The following GCNT2 variants were observed in gnomAD, a reference collection of about 807,000 sequenced individuals.
GCNT2 encodes glucosaminyl (N-acetyl) transferase 2 (I blood group), also known as N-acetyllactosaminide beta-1,6-N-acetylglucosaminyl-transferase.
In GCNT2, 34 loss-of-function variants were observed where a neutral mutation model predicts 34.2. The ratio of observed to expected loss-of-function variants is 1.00; its 90% CI spans 0.76 to 1.32. The LOEUF (loss-of-function observed/expected upper bound fraction) is 1.32. Among genes scored for constraint, GCNT2 ranks in the 40% most tolerant of loss-of-function variants. GCNT2 has a pLI of 0.00. For missense variants in GCNT2, 584 were observed against 489.4 expected (o/e 1.19, Z -1.82); for synonymous variants, 212 against 188.0 (o/e 1.13, Z -1.04).
chr6:10,596,827 A>G (rs1453458891), intron 3 of GCNT2, among the ~76,000 whole-genome samples: 1 of 151,514 alleles, frequency 6.6e-6, no homozygotes, highest in Non-Finnish European at 1.5e-5. Context: ...TGTATTTTCC[A>G]TTACTGCGTA....
intron 3 of GCNT2, among the ~76,000 whole-genome samples, chr6:10,541,503 A>C (rs1334949191): frequency 6.6e-6 from 1 of 152,146 alleles, no homozygotes; most frequent in East Asian, 1.9e-4. Context: ...TGACAGAATG[A>C]TTTATATTCC....
At position 10,626,457 on chromosome 6, in the gene GCNT2, C is replaced by G. The variant is rs1188364475; in HGVS notation, c.1059C>G (p.Asp353Glu). 1.9e-6 allele frequency: 3 copies of G among 1,613,548 alleles called. No individual in the cohort carries two copies. The African/African-American group carries it at 4.0e-5, about 22-fold the overall frequency. Reference protein sequence around the residue: ...VHGICIYGNGDLKWLVNSPSL... With the variant: ...VHGICIYGNGELKWLVNSPSL... ...GTATTTGTATCTATGGAAACGGAGA[C>G]TTAAAGTGGCTGGTTAATTCACCAA... is the stretch of plus-strand genomic sequence containing the variant. The change falls in exon 5 of 5, where the codon GAC (aspartate) becomes GAG (glutamate). Residue 353 changes from aspartate (D) to glutamate (E), a missense_variant. Transcript: ENST00000495262.
chr6:10,523,834 T>G (rs1483490417), intron 1 of GCNT2, among the ~76,000 whole-genome samples: 2 of 151,178 alleles, frequency 1.3e-5, no homozygotes, highest in Non-Finnish European at 3.0e-5. Flanking sequence ...TTAGCCGGGC[T>G]TGGTGGTGGG....
chr6:10,554,232 G>T (rs1023840734), intron 3 of GCNT2, among the ~76,000 whole-genome samples: 3 of 152,186 alleles, frequency 2.0e-5, no homozygotes, highest in Admixed American at 2.0e-4. Context: ...TTTTTTTAAA[G>T]TTCTCCTGTC....
intron 3 of GCNT2, among the ~76,000 whole-genome samples, chr6:10,546,984 G>A (rs917749618): frequency 6.6e-6 from 1 of 151,726 alleles, no homozygotes; most frequent in African/African-American, 2.4e-5. Context: ...ATGATTTTAT[G>A]TCCTACCTTA....
chr6:10,582,431 ATT>A (rs1491330473), intron 3 of GCNT2, among the ~76,000 whole-genome samples: 10 of 125,796 alleles, frequency 7.9e-5, no homozygotes, highest in African/African-American at 3.2e-4. Flanking sequence ...ATATACTATA[ATT>A]TAATATTTAT....
Position 10,626,447 on chromosome 6 carries a change from GA to G in GCNT2, c.1052del (p.Asn351ThrfsTer4), listed in dbSNP as rs1561845102. 1 of 1,613,620 alleles carries G rather than the reference GA, an allele frequency of 6.2e-7. No individual in the cohort carries two copies. Among genetic ancestry groups the G allele is most frequent in the Non-Finnish European group, 8.5e-7 (1 of 1,179,580 alleles). ...TATGTACATGGTATTTGTATCTATG[GA>G]AACGGAGACTTAAAGTGGCTGGTTA... Reference protein sequence around the residue: ...GHYVHGICIYGNGDLKWLVNS... With the variant: ...GHYVHGICIYXNGDLKWLVNS... On this transcript the variant is annotated frameshift_variant, in exon 5 of 5. Coordinates refer to ENST00000495262, the MANE Select transcript of GCNT2 (RefSeq NM_145649.5). LOFTEE classifies it high-confidence loss of function.
chr6:10,610,269 G>A (rs562860516), intron 3 of GCNT2, among the ~76,000 whole-genome samples: 1 of 152,326 alleles, frequency 6.6e-6, no homozygotes, highest in South Asian at 2.1e-4. Flanking sequence ...TAGTGCATTA[G>A]GTTAATCGTG....
At chr6:10,578,357 T>C (rs972002852) in intron 3 of GCNT2, among the ~76,000 whole-genome samples, 1 of 139,514 alleles carries the variant, frequency 7.2e-6, no homozygotes, top group Non-Finnish European at 1.5e-5. Context: ...CTCCAGCCCC[T>C]GGGCAACAGA....
At chr6:10,566,168 C>G (rs1241960743) in intron 3 of GCNT2, among the ~76,000 whole-genome samples, 1 of 151,778 alleles carries the variant, frequency 6.6e-6, no homozygotes, top group African/African-American at 2.4e-5. Flanking sequence ...TATCCTGCAT[C>G]TGATTGATGT....
chr6:10,602,819 G>A (rs1765140851), intron 3 of GCNT2, among the ~76,000 whole-genome samples: 1 of 152,174 alleles, frequency 6.6e-6, no homozygotes, highest in Non-Finnish European at 1.5e-5. Context: ...AGGGCAAGAT[G>A]AAAATTTGTC....
At position 10,521,351 on chromosome 6, in the gene GCNT2, A is replaced by G. The variant is rs1760907231; in HGVS notation, c.-535A>G. ...GCTAGGGTTAAACTGCGTTTACCTT[A>G]AACAGGCTTACTGTGTTCACTGCTG... On this transcript the variant is annotated 5_prime_UTR_variant, in exon 1 of 5. Coordinates refer to ENST00000495262, the MANE Select transcript of GCNT2 (RefSeq NM_145649.5). 1 of 152,602 alleles carries G rather than the reference A, an allele frequency of 6.6e-6. No individual in the cohort carries two copies. The highest frequency in any genetic ancestry group is 2.4e-5 in the African/African-American group (1 of 41,376). 9.5% of individuals were successfully genotyped at this position (152,602 alleles called of 1,614,324 possible).
intron 3 of GCNT2, among the ~76,000 whole-genome samples, chr6:10,583,570 C>T (rs894833215): frequency 2.6e-5 from 4 of 152,228 alleles, no homozygotes; most frequent in Admixed American, 6.5e-5. Flanking sequence ...CAGGTGAACT[C>T]TGAGAACCCT....
rs115092578 is a variant in GCNT2, at chr6:10,542,860, C to A, written c.925+13024C>A. ...TGTTTTCATTTCTCCTGGGTAGATA[C>A]CAAGAGTGAAACTGCTGGTCCCTAT... is the stretch of plus-strand genomic sequence containing the variant. On this transcript the variant is annotated intron_variant, in intron 3 of 4. Transcript: ENST00000495262. 3.2e-3 allele frequency among the ~76,000 whole-genome samples: 466 copies of A among 147,744 alleles called. 3 individuals carry two copies. Among genetic ancestry groups the A allele is most frequent in the African/African-American group, 0.011 (444 of 39,754 alleles).
intron 3 of GCNT2, among the ~76,000 whole-genome samples, chr6:10,581,490 G>A (rs561603104): frequency 2.0e-4 from 31 of 152,072 alleles, no homozygotes; most frequent in South Asian, 1.5e-3. Flanking sequence ...GGCTGGTCTC[G>A]AACTCCCAAC....
At chr6:10,537,990 T>C (rs1001384838) in intron 3 of GCNT2, among the ~76,000 whole-genome samples, 1 of 152,138 alleles carries the variant, frequency 6.6e-6, no homozygotes, top group African/African-American at 2.4e-5. Context: ...GGCCTGCCAC[T>C]GCTAGCATCA....
At chr6:10,580,858 G>T (rs1251878403) in intron 3 of GCNT2, among the ~76,000 whole-genome samples, 2 of 152,176 alleles carry the variant, frequency 1.3e-5, no homozygotes, top group Non-Finnish European at 2.9e-5. Flanking sequence ...CCCAGCCCTG[G>T]TTTTCATGTT....
In GCNT2 at chr6:10,529,393, A is replaced by C; in HGVS notation, c.482A>C (p.Tyr161Ser). 6.2e-7 allele frequency: 1 copy of C among 1,614,080 alleles called. No individual in the cohort carries two copies. The highest frequency in any genetic ancestry group is 8.5e-7 in the Non-Finnish European group (1 of 1,179,998). ...FLASKKESVVYGGISRLQADL... is the reference protein window; with the variant it reads ...FLASKKESVVSGGISRLQADL... ...GCTTCCAAGAAGGAGTCGGTTGTCTATGGGGGGATCTCCAGGCTCCAGGCT... is the reference window on the plus strand; with the variant it reads ...GCTTCCAAGAAGGAGTCGGTTGTCTCTGGGGGGATCTCCAGGCTCCAGGCT... Residue 161 changes from tyrosine to serine, a missense_variant, in exon 3 of 5, where the codon TAT (tyrosine) becomes TCT (serine). Transcript: ENST00000495262.
At chr6:10,568,461 C>T (rs772871160) in intron 3 of GCNT2, among the ~76,000 whole-genome samples, 1 of 152,180 alleles carries the variant, frequency 6.6e-6, no homozygotes. Flanking sequence ...GCCCATCACA[C>T]CTGTCAAGCA....
Sources: gnomAD v4.1 joint callset for allele counts (sites outside exome capture counted in the v4.1 genomes callset) on GRCh38, gnomAD v4.1.1 for gene constraint, MANE v1.5 for transcripts, NCBI Gene and HGNC (gene_info 2026-07-23, HGNC 2026-07-21) for gene names.